Variants in SH3BGRL2 observed in about 807,000 individuals in gnomAD.
SH3BGRL2 encodes SH3 domain binding glutamate rich protein like 2, also known as SH3 domain-binding glutamic acid-rich-like protein 2.
In SH3BGRL2, 21 loss-of-function variants were observed where a neutral mutation model predicts 14.8. The ratio of observed to expected loss-of-function variants is 1.42; its 90% confidence interval spans 1.01 to 2.05. The LOEUF (loss-of-function observed/expected upper bound fraction) is 2.05. Ranked by LOEUF, SH3BGRL2 falls within the 30% of genes most tolerant of loss-of-function variation. The pLI is 0.00. For synonymous variants in SH3BGRL2, 50 were observed against 47.8 expected, an observed-to-expected ratio of 1.05 and a Z score of -0.19; for missense variants, 147 against 130.8, an observed-to-expected ratio of 1.12 and a Z score of -0.61.
the SH3BGRL2 span, among the ~76,000 whole-genome samples, chr6:79,549,490 C>T: frequency 4.6e-5 from 7 of 152,098 alleles, no homozygotes; most frequent in African/African-American, 7.2e-5. Context: ...TTTTACTCTA[C>T]GTGTTCTATG....
At chr6:79,675,888 G>C (rs1769872008) in intron 2 of SH3BGRL2, among the ~76,000 whole-genome samples, 1 of 151,576 alleles carries the variant, frequency 6.6e-6, no homozygotes, top group Admixed American at 6.6e-5. Context: ...TTTCTCAGGT[G>C]GGGTGGGCTT....
intron 1 of SH3BGRL2, among the ~76,000 whole-genome samples, chr6:79,672,035 C>G (rs1345109366): frequency 6.6e-6 from 1 of 152,088 alleles, no homozygotes; most frequent in Non-Finnish European, 1.5e-5. Flanking sequence ...TCTGCCCTTT[C>G]TTATAAGTGA....
intron 2 of SH3BGRL2, among the ~76,000 whole-genome samples, 166 bp downstream of exon 2, chr6:79,673,965 A>G (rs1476809729): frequency 6.6e-6 from 1 of 152,092 alleles, no homozygotes; most frequent in African/African-American, 2.4e-5. Context: ...TGTGAGTCCA[A>G]GGTCATGGAC....
the SH3BGRL2 span, among the ~76,000 whole-genome samples, chr6:79,586,884 G>A: frequency 6.6e-6 from 1 of 152,216 alleles, no homozygotes; most frequent in Admixed American, 6.5e-5. Flanking sequence ...AAAAGGTGTT[G>A]TGTGGGCCAA....
At chr6:79,541,948 AT>A in the SH3BGRL2 span, among the ~76,000 whole-genome samples, 1 of 152,238 alleles carries the variant, frequency 6.6e-6, no homozygotes, top group East Asian at 1.9e-4. Flanking sequence ...AAATTTTGTT[AT>A]TTTTTGACTG....
chr6:79,564,109 G>A, the SH3BGRL2 span, among the ~76,000 whole-genome samples: 2 of 151,574 alleles, frequency 1.3e-5, no homozygotes, highest in Non-Finnish European at 2.9e-5. Context: ...AACTCATACT[G>A]AATAGTAGTG....
the SH3BGRL2 span, among the ~76,000 whole-genome samples, chr6:79,625,837 T>C: frequency 6.6e-6 from 1 of 152,186 alleles, no homozygotes; most frequent in Non-Finnish European, 1.5e-5. Context: ...TAAGGTCATA[T>C]AGCTGTGACA....
At chr6:79,655,954 G>T (rs1769403831) in intron 1 of SH3BGRL2, among the ~76,000 whole-genome samples, 1 of 152,206 alleles carries the variant, frequency 6.6e-6, no homozygotes, top group Non-Finnish European at 1.5e-5. Flanking sequence ...GAGTGGGAGG[G>T]GAAGGTAGTT....
the SH3BGRL2 span, among the ~76,000 whole-genome samples, chr6:79,541,696 A>G: frequency 6.6e-6 from 1 of 152,226 alleles, no homozygotes; most frequent in Non-Finnish European, 1.5e-5. Context: ...AGAATATGAT[A>G]AAGTCACCTT....
intron 1 of SH3BGRL2, among the ~76,000 whole-genome samples, chr6:79,639,598 A>C (rs1768992362): frequency 6.6e-6 from 1 of 152,164 alleles, no homozygotes; most frequent in Non-Finnish European, 1.5e-5. Context: ...TCAGACAAAC[A>C]AACCCCAAAA....
At chr6:79,552,937 T>G in the SH3BGRL2 span, 1 of 152,230 alleles carries the variant, frequency 6.6e-6, no homozygotes, top group South Asian at 2.1e-4. Flanking sequence ...CAGATTGCAG[T>G]TACTCTAAGC....
At chr6:79,631,081 C>G (rs1052427384), upstream of SH3BGRL2, among the ~76,000 whole-genome samples, 1 of 152,168 alleles carries the variant, frequency 6.6e-6, no homozygotes. Context: ...CCTCATCAAG[C>G]CAGGATCCTT....
the SH3BGRL2 span, among the ~76,000 whole-genome samples, chr6:79,625,112 G>A: frequency 2.6e-5 from 4 of 152,074 alleles, no homozygotes; most frequent in Non-Finnish European, 5.9e-5. Flanking sequence ...GGTCAAGGCT[G>A]TAGTGAGCCG....
At chr6:79,596,281 C>T in the SH3BGRL2 span, among the ~76,000 whole-genome samples, 1 of 152,168 alleles carries the variant, frequency 6.6e-6, no homozygotes, top group African/African-American at 2.4e-5. Context: ...ACCTCAGCAC[C>T]TCCAAGTAGC....
At chr6:79,697,271 A>T (rs796749835) in intron 3 of SH3BGRL2, among the ~76,000 whole-genome samples, 20 of 152,230 alleles carry the variant, frequency 1.3e-4, no homozygotes, top group African/African-American at 4.6e-4. Context: ...GGAAAATATT[A>T]AAAAAGGGTA....
At chr6:79,627,000 T>C (rs1208500935), upstream of SH3BGRL2, among the ~76,000 whole-genome samples, 1 of 152,172 alleles carries the variant, frequency 6.6e-6, no homozygotes, top group African/African-American at 2.4e-5. Context: ...CTTGGATTCA[T>C]GAAAACTGAG....
chr6:79,597,623 A>C, the SH3BGRL2 span, among the ~76,000 whole-genome samples: 1 of 152,220 alleles, frequency 6.6e-6, no homozygotes, highest in African/African-American at 2.4e-5. Flanking sequence ...TTTAAGTCAA[A>C]ATAAATCTAA....
At chr6:79,689,571 T>C (rs1770167837) in intron 2 of SH3BGRL2, among the ~76,000 whole-genome samples, 1 of 152,240 alleles carries the variant, frequency 6.6e-6, no homozygotes, top group East Asian at 1.9e-4. Flanking sequence ...TCTTTTTAAT[T>C]GAGACAGGAT....
At chr6:79,616,105 C>T in the SH3BGRL2 span, among the ~76,000 whole-genome samples, 7 of 151,710 alleles carry the variant, frequency 4.6e-5, no homozygotes, top group African/African-American at 1.2e-4. Context: ...CATGAGCCAC[C>T]GCACCCGGCC....
Sources: allele counts gnomAD v4.1 joint callset (sites outside exome capture counted in the v4.1 genomes callset), GRCh38; gene constraint gnomAD v4.1.1; transcripts MANE v1.5; gene names NCBI Gene and HGNC (gene_info 2026-07-23, HGNC 2026-07-21).